The following CMYA5 variants were observed in gnomAD, a reference collection of about 807,000 sequenced individuals.
CMYA5 encodes cardiomyopathy associated 5.
CMYA5 carries 246 observed loss-of-function variants against 318.9 expected under a neutral mutation model. The observed-to-expected ratio is 0.77, with a 90% CI of 0.70 to 0.86. The LOEUF (loss-of-function observed/expected upper bound fraction) is 0.86, where lower values mean the gene tolerates loss of function less well. Ranked by LOEUF, CMYA5 falls within the 40% of genes least tolerant of loss-of-function variation. CMYA5 has a pLI of 0.00. For missense variants in CMYA5, 4,589 were observed against 4,678.2 expected, an observed-to-expected ratio of 0.98 and a Z score of 0.56; for synonymous variants, 1,641 against 1,729.5, an observed-to-expected ratio of 0.95 and a Z score of 1.27.
At chr5:79,768,413 G>A (rs1013291477) in intron 9 of CMYA5, among the ~76,000 whole-genome samples, 1 of 148,758 alleles carries the variant, frequency 6.7e-6, no homozygotes, top group African/African-American at 2.5e-5. Flanking sequence ...TTTACAATTT[G>A]GTATGTTTTT....
At chr5:79,706,033 A>G (rs888052554) in intron 1 of CMYA5, among the ~76,000 whole-genome samples, 1 of 152,220 alleles carries the variant, frequency 6.6e-6, no homozygotes, top group African/African-American at 2.4e-5. Flanking sequence ...CCCGCAATGC[A>G]ACAGGGCTCT....
chr5:79,744,501 A>G (rs1202120311), intron 3 of CMYA5, among the ~76,000 whole-genome samples: 3 of 152,174 alleles, frequency 2.0e-5, no homozygotes, highest in Non-Finnish European at 2.9e-5. Context: ...TCACCAGTCA[A>G]TCAGGACTGG....
At chr5:79,772,976 A>G (rs906616510) in intron 9 of CMYA5, among the ~76,000 whole-genome samples, 5 of 152,244 alleles carry the variant, frequency 3.3e-5, no homozygotes, top group Non-Finnish European at 5.9e-5. Context: ...TCAAAACTTG[A>G]TCATCTCTAG....
At chr5:79,746,547 T>TAAAAAAAA (rs11423461) in intron 4 of CMYA5, among the ~76,000 whole-genome samples, 1 of 68,912 alleles carries the variant, frequency 1.5e-5, no homozygotes, top group African/African-American at 5.7e-5. Context: ...GAGCAAACTG[T>TAAAAAAAA]AAAAAAAAAA....
rs763431659 is a variant in CMYA5, at chr5:79,730,051, C to T, written c.1286C>T (p.Ser429Phe). The T allele has an allele frequency of 3.1e-6, 5 of 1,613,928 alleles. No homozygotes were observed. The South Asian group carries it at 3.3e-5, about 11-fold the overall frequency. ...GAGGTAAAGAAGGAAGATGTGTATT[C>T]TGCTCACCATTCCATTTCTCTGGAG... ...ANEVKKEDVY[S>F]AHHSISLEAA... Residue 429 changes from serine (S) to phenylalanine (F), a missense_variant, in exon 2 of 13, where the codon TCT becomes TTT. Ser to Phe is a radical substitution (Grantham distance 155). Around this residue, in one of 3 missense-constraint regions of CMYA5, gnomAD observed 2,132 missense variants for 2,131.3 expected, o/e 1.00. Coordinates refer to ENST00000446378, the MANE Select transcript of CMYA5 (RefSeq NM_153610.5).
rs1828123525 is a variant in CMYA5, at chr5:79,738,113, T to C, written c.9348T>C (p.Tyr3116=). 6.2e-7 allele frequency: 1 copy of C among 1,613,610 alleles called. No individual in the cohort carries two copies. The change falls in exon 2 of 13, where the codon TAT becomes TAC. Residue 3116 remains tyrosine, a synonymous_variant. Coordinates refer to ENST00000446378, the MANE Select transcript of CMYA5 (RefSeq NM_153610.5). ...TGGTGAAATTAGATGAAAGTTTTTA[T>C]GGACCAGAAAAGGGCCACAACATAT... The part of the protein sequence containing the change: ...YDLVKLDESF[Y]GPEKGHNILS...
At chr5:79,711,079 G>T (rs16877070) in intron 1 of CMYA5, among the ~76,000 whole-genome samples, 1 of 152,150 alleles carries the variant, frequency 6.6e-6, no homozygotes, top group Admixed American at 6.5e-5. Context: ...AAGGCTACTA[G>T]CAAGTTATTT....
rs1828121381 is a variant in CMYA5 at position 79,738,033 on chromosome 5, ACTAT to A, written c.9271_9274del (p.Ile3091LeufsTer4). ...ACTCTCAAAGGAAGTTACAGAAGAA[ACTAT>A]CTCTTTCCCAGTAAGTTCAGTGGAA... On this transcript the variant is annotated frameshift_variant, in exon 2 of 13. Coordinates refer to ENST00000446378, the MANE Select transcript of CMYA5 (RefSeq NM_153610.5). LOFTEE classifies it high-confidence loss of function. 2 of 1,613,236 alleles carry A rather than the reference ACTAT, an allele frequency of 1.2e-6. No individual in the cohort carries two copies. The highest frequency in any genetic ancestry group is 1.7e-6 in the Non-Finnish European group (2 of 1,179,710).
intron 1 of CMYA5, among the ~76,000 whole-genome samples, chr5:79,714,381 A>C (rs1827471739): frequency 6.6e-6 from 1 of 150,582 alleles, no homozygotes; most frequent in South Asian, 2.1e-4. Flanking sequence ...TCTATCCCAA[A>C]GTTTAAAGAT....
intron 3 of CMYA5, 42 bp from the exon 4 acceptor site, chr5:79,745,180 T>G (rs1828293834): frequency 2.3e-6 from 3 of 1,296,540 alleles, no homozygotes; most frequent in Middle Eastern, 1.9e-4. Context: ...CAGCATTTCT[T>G]GTTTCATTCA....
rs372092917 is a variant in CMYA5 at position 79,738,176 on chromosome 5, C to G, written c.9411C>G (p.Asp3137Glu). Residue 3137 changes from aspartate to glutamate, a missense_variant, in exon 2 of 13, where the codon GAC becomes GAG. Asp to Glu is a conservative substitution (Grantham distance 45, BLOSUM62 2). Transcript: ENST00000446378. ...AGACCCAAAGCCAAAACTCAGCTGACAGGAATGTTTCAAAGGACACAAAGA... is the reference window on the plus strand; with the variant it reads ...AGACCCAAAGCCAAAACTCAGCTGAGAGGAATGTTTCAAAGGACACAAAGA... ...HPETQSQNSA[D>E]RNVSKDTKRD... 1 of 1,613,860 alleles carries G rather than the reference C, an allele frequency of 6.2e-7. No homozygotes were observed. The highest frequency in any genetic ancestry group is 8.5e-7 in the Non-Finnish European group (1 of 1,179,862).
At chr5:79,773,296 G>A (rs964629501) in intron 9 of CMYA5, among the ~76,000 whole-genome samples, 14 of 152,164 alleles carry the variant, frequency 9.2e-5, no homozygotes, top group African/African-American at 3.1e-4. Flanking sequence ...TAGCTTTGAG[G>A]ATAATCTCTT....
intron 1 of CMYA5, among the ~76,000 whole-genome samples, chr5:79,712,059 A>G (rs1176016112): frequency 6.6e-6 from 1 of 152,132 alleles, no homozygotes. Context: ...ACAGGCCCGG[A>G]GAACCAACAC....
intron 9 of CMYA5, among the ~76,000 whole-genome samples, chr5:79,785,317 C>T (rs948159705): frequency 6.6e-6 from 1 of 151,980 alleles, no homozygotes; most frequent in East Asian, 1.9e-4. Flanking sequence ...TGCGTAGCCT[C>T]CTCCATCAGC....
chr5:79,739,510 T>C, intron 2 of CMYA5, 107 bp downstream of exon 2: 1 of 917,246 alleles, frequency 1.1e-6, no homozygotes. Context: ...CATTGATCTT[T>C]AAGCAGAATG....
At position 79,739,280 on chromosome 5, in the gene CMYA5, A is replaced by G. The variant is rs567469584; in HGVS notation, c.10515A>G (p.Lys3505=). 574 of 1,609,514 alleles carry G rather than the reference A, an allele frequency of 3.6e-4. 2 individuals are homozygous for G. The South Asian group carries it at 6.0e-3, about 17-fold the overall frequency. The change falls in exon 2 of 13, where the codon AAA becomes AAG. Residue 3505 remains lysine, a synonymous_variant. Transcript: ENST00000446378. The stretch of plus-strand genomic sequence containing the variant: ...CTGAAAAGGCACAAAAAGAGCTGAA[A>G]AAGTCCCAGATTGACACATACTGTT... ...VVTEKAQKEL[K]KSQIDTYCYT...
chr5:79,790,171 T>C (rs916066900), intron 10 of CMYA5, among the ~76,000 whole-genome samples: 1 of 151,974 alleles, frequency 6.6e-6, no homozygotes, highest in Admixed American at 6.6e-5. Flanking sequence ...GAAGAGAAGA[T>C]GCGAGGGCTG....
intron 1 of CMYA5, among the ~76,000 whole-genome samples, chr5:79,717,882 C>A (rs1211528133): frequency 9.5e-6 from 1 of 105,388 alleles, no homozygotes; most frequent in Non-Finnish European, 1.8e-5. Context: ...TTAACCTAAG[C>A]TATTTTTTTT....
In CMYA5 at chr5:79,737,543, C is replaced by T. The variant is rs976209730; in HGVS notation, c.8778C>T (p.Asp2926=). Residue 2926 remains aspartate, a synonymous_variant, in exon 2 of 13, where the codon GAC becomes GAT. Coordinates refer to ENST00000446378, the MANE Select transcript of CMYA5 (RefSeq NM_153610.5). ...EPEDTYAKGE[D]FTVTSKPAGL... is the part of the protein sequence containing the mutation. Reference sequence around the variant, plus strand: ...AAGACACATATGCAAAAGGTGAAGACTTTACAGTGACTAGTAAGCCAGCCG... The same window carrying T: ...AAGACACATATGCAAAAGGTGAAGATTTTACAGTGACTAGTAAGCCAGCCG... 1 of 1,613,622 alleles carries T rather than the reference C, an allele frequency of 6.2e-7. No homozygotes were observed. Among genetic ancestry groups the T allele is most frequent in the Admixed American group, 1.7e-5 (1 of 59,948 alleles).
Sources: allele counts gnomAD v4.1 joint callset (sites outside exome capture counted in the v4.1 genomes callset), GRCh38; gene constraint gnomAD v4.1.1; regional missense constraint gnomAD v4.1.1; transcripts MANE v1.5; gene names NCBI Gene and HGNC (gene_info 2026-07-23, HGNC 2026-07-21).